Variants in ARMC2 observed in about 807,000 individuals in gnomAD.
The protein encoded by ARMC2 is armadillo repeat containing 2.
Under a neutral mutation model 90.3 loss-of-function variants are expected in ARMC2, and 67 were observed. The ratio of observed to expected loss-of-function variants is 0.74; its 90% CI spans 0.61 to 0.91. The LOEUF (loss-of-function observed/expected upper bound fraction) is 0.91. Among genes scored for constraint, ARMC2 ranks in the 40% least tolerant of loss-of-function variants. ARMC2 has a pLI of 0.00. For missense variants in ARMC2, 920 were observed against 1,030.9 expected (o/e 0.89, Z 1.47); for synonymous variants, 393 against 393.0 (o/e 1.00, Z 0.00).
the ARMC2 span, among the ~76,000 whole-genome samples, chr6:108,995,490 TGG>T: frequency 2.0e-5 from 3 of 152,188 alleles, no homozygotes; most frequent in Admixed American, 6.5e-5. Context: ...CATAGAGTAA[TGG>T]GGCTGACAAA....
chr6:108,944,749 A>G (rs57582005), intron 12 of ARMC2, among the ~76,000 whole-genome samples: 2 of 152,190 alleles, frequency 1.3e-5, no homozygotes, highest in Admixed American at 6.5e-5. Context: ...CTCTGTTTGC[A>G]TAATGGCCCT....
the ARMC2 span, among the ~76,000 whole-genome samples, chr6:108,996,470 C>T: frequency 6.6e-6 from 1 of 152,126 alleles, no homozygotes; most frequent in African/African-American, 2.4e-5. Context: ...TCTGTCAACT[C>T]ACATTATCTG....
chr6:109,041,409 A>C, the ARMC2 span, among the ~76,000 whole-genome samples: 1 of 152,234 alleles, frequency 6.6e-6, no homozygotes, highest in Non-Finnish European at 1.5e-5. Flanking sequence ...AAATCTACCA[A>C]ACATACTTGT....
intron 1 of ARMC2, among the ~76,000 whole-genome samples, chr6:108,851,647 C>G (rs1774024225): frequency 6.6e-6 from 1 of 152,014 alleles, no homozygotes; most frequent in African/African-American, 2.4e-5. Flanking sequence ...GCTTAAGACC[C>G]TGTCCAGACC....
chr6:108,865,596 T>G (rs1157055291), intron 3 of ARMC2, among the ~76,000 whole-genome samples: 2 of 152,246 alleles, frequency 1.3e-5, no homozygotes, highest in East Asian at 3.8e-4. Flanking sequence ...ATACAGTTAC[T>G]AATTTTGCAC....
intron 3 of ARMC2, among the ~76,000 whole-genome samples, chr6:108,861,741 C>T (rs1268055): frequency 0.5 from 76,531 of 151,932 alleles, 19,702 homozygotes; most frequent in Middle Eastern, 0.54. Flanking sequence ...GGACCCAGTT[C>T]GGCAGCTCGG....
intron 8 of ARMC2, among the ~76,000 whole-genome samples, chr6:108,905,184 G>A (rs1208140531): frequency 6.6e-6 from 1 of 152,182 alleles, no homozygotes; most frequent in Non-Finnish European, 1.5e-5. Flanking sequence ...ATAATTTACA[G>A]AATTTAAAAT....
In ARMC2 at chr6:108,858,232, C is replaced by T; in HGVS notation, c.252C>T (p.Ser84=). ...LHASSFESSD[S]RPISGTRLSP... is the part of the protein sequence containing the mutation. ...CATCCAGTTTTGAGTCATCTGATTC[C>T]AGGCCTATCTCTGGCACACGTCTTA... Residue 84 remains serine, a synonymous_variant, in exon 3 of 18, where the codon TCC becomes TCT. Transcript: ENST00000392644. The T allele has an allele frequency of 6.2e-7, 1 of 1,611,200 alleles. No homozygotes were observed. Among genetic ancestry groups the T allele is most frequent in the Middle Eastern group, 1.7e-4 (1 of 6,052 alleles).
chr6:108,855,674 C>T (rs916408788), intron 2 of ARMC2, among the ~76,000 whole-genome samples: 1 of 152,194 alleles, frequency 6.6e-6, no homozygotes, highest in African/African-American at 2.4e-5. Flanking sequence ...ATTTTGCCTT[C>T]CCACCAGCAA....
intron 3 of ARMC2, among the ~76,000 whole-genome samples, chr6:108,862,440 G>C (rs1775366985): frequency 1.3e-5 from 2 of 151,550 alleles, no homozygotes; most frequent in Admixed American, 6.6e-5. Context: ...TGCTTAATTT[G>C]AGATTGTGGT....
At chr6:108,949,957 G>A (rs904128983) in intron 12 of ARMC2, among the ~76,000 whole-genome samples, 1 of 152,178 alleles carries the variant, frequency 6.6e-6, no homozygotes, top group Non-Finnish European at 1.5e-5. Flanking sequence ...TGTAATTCCA[G>A]CACTTTGAGA....
chr6:108,873,547 G>T (rs1351737721), intron 4 of ARMC2, among the ~76,000 whole-genome samples: 1 of 152,112 alleles, frequency 6.6e-6, no homozygotes, highest in Non-Finnish European at 1.5e-5. Context: ...TAATTTGCTG[G>T]GCCCAATGCT....
chr6:108,974,801 A>C (rs1000432946), downstream of ARMC2, among the ~76,000 whole-genome samples: 5 of 152,030 alleles, frequency 3.3e-5, no homozygotes, highest in Non-Finnish European at 7.4e-5. Flanking sequence ...CCAGCTGGGC[A>C]TGGTGGCTCA....
chr6:108,967,045 C>T (rs545912458), intron 17 of ARMC2, among the ~76,000 whole-genome samples: 4 of 152,310 alleles, frequency 2.6e-5, no homozygotes, highest in African/African-American at 7.2e-5. Context: ...TCATGAGCTC[C>T]GCCCCCTGGG....
the ARMC2 span, among the ~76,000 whole-genome samples, chr6:109,045,659 T>A: frequency 6.6e-6 from 1 of 152,190 alleles, no homozygotes; most frequent in Non-Finnish European, 1.5e-5. Flanking sequence ...GCATTACTCT[T>A]CTACAGCGCT....
chr6:108,904,801 T>C (rs946939858), intron 8 of ARMC2, among the ~76,000 whole-genome samples: 1 of 152,200 alleles, frequency 6.6e-6, no homozygotes, highest in Non-Finnish European at 1.5e-5. Context: ...GGATGCTTGA[T>C]TCTGTCATAT....
Position 108,904,341 on chromosome 6 carries a change from T to C in ARMC2, c.959T>C (p.Leu320Pro). Residue 320 changes from leucine to proline, a missense_variant, in exon 8 of 18, where the codon CTG becomes CCG. Physicochemically the swap from Leu to Pro is moderately conservative, Grantham distance 98 (BLOSUM62 -3). Coordinates refer to ENST00000392644, the MANE Select transcript of ARMC2 (RefSeq NM_032131.6). ...GGAAGAAGTATTCTCCTGAAGACCC[T>C]GTGTAAACTAGTTGATGTTGGTTCA... ...FKGRSILLKT[L>P]CKLVDVGSDS... 1 of 1,613,494 alleles carries C rather than the reference T, an allele frequency of 6.2e-7. No individual in the cohort carries two copies. The highest frequency in any genetic ancestry group is 8.5e-7 in the Non-Finnish European group (1 of 1,179,740).
At chr6:108,888,155 G>C (rs1033807763) in intron 5 of ARMC2, among the ~76,000 whole-genome samples, 16 of 152,190 alleles carry the variant, frequency 1.1e-4, no homozygotes, top group Admixed American at 1.3e-4. Context: ...TTGAGTAACT[G>C]ATTGTCCTGG....
Position 108,910,379 on chromosome 6 carries a change from G to A in ARMC2, c.1024-520G>A, listed in dbSNP as rs920743248. Reference sequence around the variant, plus strand: ...GCTGAGGCAAGAGAGTTGATTGAGCGCACGTGGTCAAGGCTGCAGTGAGCT... The same window carrying A: ...GCTGAGGCAAGAGAGTTGATTGAGCACACGTGGTCAAGGCTGCAGTGAGCT... On this transcript the variant is annotated intron_variant, in intron 8 of 17. Coordinates refer to ENST00000392644, the MANE Select transcript of ARMC2 (RefSeq NM_032131.6). Among the ~76,000 whole-genome samples, 3 of 152,214 alleles carry A rather than the reference G, an allele frequency of 2.0e-5. 1 individual carries two copies. In the Middle Eastern group the frequency reaches 0.01, roughly 518 times the overall value.
Sources: gnomAD v4.1 joint callset for allele counts (sites outside exome capture counted in the v4.1 genomes callset) on GRCh38, gnomAD v4.1.1 for gene constraint, MANE v1.5 for transcripts, NCBI Gene and HGNC (gene_info 2026-07-23, HGNC 2026-07-21) for gene names.